The following SNU13 variants were observed in gnomAD, a reference collection of about 807,000 sequenced individuals.
The protein encoded by SNU13 is small nuclear ribonucleoprotein 13.
In SNU13, 2 loss-of-function variants were observed where a neutral mutation model predicts 12.4. That is an observed-to-expected ratio of 0.16 (90% confidence interval 0.07 to 0.51). The LOEUF is 0.51. Among genes scored for constraint, SNU13 ranks in the 20% least tolerant of loss-of-function variants. The pLI is 0.96. For missense variants in SNU13, 66 were observed against 157.8 expected, an observed-to-expected ratio of 0.42 and a Z score of 3.12; for synonymous variants, 68 against 66.5, an observed-to-expected ratio of 1.02 and a Z score of -0.11.
At chr22:41,676,086 C>T (rs1268019430) in intron 2 of SNU13, among the ~76,000 whole-genome samples, 2 of 152,130 alleles carry the variant, frequency 1.3e-5, no homozygotes, top group Non-Finnish European at 2.9e-5. Flanking sequence ...TCATCTCTTA[C>T]CTTGTCAACT....
At chr22:41,686,097 C>T (rs1450558629) in intron 1 of SNU13, among the ~76,000 whole-genome samples, 2 of 152,008 alleles carry the variant, frequency 1.3e-5, no homozygotes, top group Non-Finnish European at 2.9e-5. Flanking sequence ...GCTTGAGCCA[C>T]AGTGCTTGGC....
Position 41,680,407 on chromosome 22 carries a change from G to C in SNU13, c.4-43C>G, listed in dbSNP as rs946756043. ...AAATATCAGACAAATTGAGCCAGAA[G>C]TTTTCCTACCTGAGTCACAAAATAC... On this transcript the variant is annotated intron_variant, in intron 1 of 2. Coordinates refer to ENST00000401959, the MANE Select transcript of SNU13 (RefSeq NM_001003796.2). The C allele has an allele frequency of 1.9e-6, 3 of 1,585,826 alleles. No homozygotes were observed. In the African/African-American group the frequency reaches 4.1e-5, roughly 21 times the overall value.
intron 1 of SNU13, among the ~76,000 whole-genome samples, chr22:41,683,741 T>C (rs2068285840): frequency 6.6e-6 from 1 of 152,172 alleles, no homozygotes; most frequent in African/African-American, 2.4e-5. Context: ...TTTAACAACT[T>C]GCACACCCAC....
upstream of SNU13, chr22:41,688,977 T>G: frequency 7.5e-7 from 1 of 1,337,690 alleles, no homozygotes; most frequent in South Asian, 1.9e-5. Context: ...GCGCGGAAAC[T>G]GGCCCTGTGT....
At chr22:41,678,057 G>C (rs2068229359) in intron 2 of SNU13, among the ~76,000 whole-genome samples, 1 of 150,706 alleles carries the variant, frequency 6.6e-6, no homozygotes, top group Admixed American at 6.7e-5. Context: ...CTCACTGCAA[G>C]CTCCGCCTCC....
In SNU13 at chr22:41,675,142, C is replaced by T; in HGVS notation, c.178G>A (p.Ala60Thr). Residue 60 changes from alanine to threonine, a missense_variant, in exon 3 of 3, where the codon GCC becomes ACC. Ala to Thr is a moderately conservative substitution (Grantham distance 58). Transcript: ENST00000401959. ...ISEFIVMAAD[A>T]EPLEIILHLP... ...TGCAGAATGATCTCCAGTGGCTCGG[C>T]GTCTGCAGCCATCACGATGAACTCA... 1.2e-6 allele frequency: 2 copies of T among 1,614,056 alleles called. No individual in the cohort carries two copies. Among genetic ancestry groups the T allele is most frequent in the Non-Finnish European group, 1.7e-6 (2 of 1,180,038 alleles).
intron 1 of SNU13, among the ~76,000 whole-genome samples, chr22:41,686,128 G>C (rs1476640116): frequency 6.6e-6 from 1 of 151,896 alleles, no homozygotes; most frequent in South Asian, 2.1e-4. Flanking sequence ...CTTTTAACTG[G>C]AGCACTCAGT....
chr22:41,676,645 TG>T (rs2068217011), intron 2 of SNU13, among the ~76,000 whole-genome samples: 1 of 152,048 alleles, frequency 6.6e-6, no homozygotes, highest in Non-Finnish European at 1.5e-5. Context: ...GGAAAACAAA[TG>T]GTTTTCATTT....
At chr22:41,683,637 G>A (rs1193726251) in intron 1 of SNU13, among the ~76,000 whole-genome samples, 2 of 152,134 alleles carry the variant, frequency 1.3e-5, no homozygotes, top group African/African-American at 4.8e-5. Context: ...CAGTATATCT[G>A]TAAGATAAAC....
Position 41,680,163 on chromosome 22 carries a change from C to T in SNU13, c.124+81G>A, listed in dbSNP as rs1015336272. ...AGTCGAGAGCAGCTAGCCCTCCTCCCAAACTGGAAATCAGATCAGAGGCCC... is the reference window on the plus strand; with the variant it reads ...AGTCGAGAGCAGCTAGCCCTCCTCCTAAACTGGAAATCAGATCAGAGGCCC... On this transcript the variant is annotated intron_variant, in intron 2 of 2. Transcript: ENST00000401959. 13 of 1,478,728 alleles carry T rather than the reference C, an allele frequency of 8.8e-6. No homozygotes were observed. In the African/African-American group the frequency reaches 1.8e-4, roughly 21 times the overall value. The allele number at this position is 1,478,728 out of a possible 1,614,324, so 91.6% of individuals were successfully genotyped here.
intron 1 of SNU13, among the ~76,000 whole-genome samples, chr22:41,680,740 G>A (rs774558840): frequency 3.9e-5 from 6 of 152,088 alleles, no homozygotes; most frequent in Admixed American, 2.0e-4. Flanking sequence ...TGTTGCCCAC[G>A]CTGGAGTGCA....
chr22:41,679,678 CTT>C (rs60742191), intron 2 of SNU13: 121,943 of 150,208 alleles, frequency 0.81, 49,839 homozygotes, highest in East Asian at 0.94. Flanking sequence ...TGAAAAACAG[CTT>C]TTTTTTTTTC....
chr22:41,674,114 GT>G lies in SNU13; in HGVS notation c.*818del, dbSNP rs1370700168. On this transcript the variant is annotated 3_prime_UTR_variant, in exon 3 of 3. Coordinates refer to ENST00000401959, the MANE Select transcript of SNU13 (RefSeq NM_001003796.2). ...AAGTCCCATTCACCAGAGACAGGCTGTTTCCTTGGACTCCACCATCTCTGTT... is the reference window on the plus strand; with the variant it reads ...AAGTCCCATTCACCAGAGACAGGCTGTTCCTTGGACTCCACCATCTCTGTT... 6.6e-6 allele frequency: 1 copy of G among 152,334 alleles called. No homozygotes were observed. Among genetic ancestry groups the G allele is most frequent in the African/African-American group, 2.4e-5 (1 of 41,458 alleles). 9.4% of individuals were successfully genotyped at this position (152,334 alleles called of 1,614,324 possible).
At chr22:41,689,487 G>A (rs974444446), upstream of SNU13, among the ~76,000 whole-genome samples, 15 of 144,352 alleles carry the variant, frequency 1.0e-4, no homozygotes, top group Non-Finnish European at 3.0e-5. Context: ...GGCTAACACA[G>A]TGAACCGTCT....
chr22:41,676,546 A>G (rs1246347900), intron 2 of SNU13, among the ~76,000 whole-genome samples: 1 of 148,424 alleles, frequency 6.7e-6, no homozygotes, highest in Admixed American at 6.7e-5. Context: ...TTTTTTTTGT[A>G]TCAAAGAAAA....
rs1370084963 is a variant in SNU13, at chr22:41,685,271, G to A, written c.3+3523C>T. 5.9e-5 allele frequency among the ~76,000 whole-genome samples: 9 copies of A among 152,066 alleles called. 1 individual carries two copies. The highest frequency in any genetic ancestry group is 5.9e-4 in the Admixed American group (9 of 15,268). ...GCTCACTGCAGCCTCGACCTCCAGGGCTCAAGCGATCCTCCTGCCTCAGCC... is the reference window on the plus strand; with the variant it reads ...GCTCACTGCAGCCTCGACCTCCAGGACTCAAGCGATCCTCCTGCCTCAGCC... On this transcript the variant is annotated intron_variant, in intron 1 of 2. Transcript: ENST00000401959.
At position 41,674,647 on chromosome 22, in the gene SNU13, C is replaced by CT. The variant is rs1002302944; in HGVS notation, c.*285dup. The CT allele has an allele frequency of 2.6e-6, 1 of 379,902 alleles. No homozygotes were observed. Among genetic ancestry groups the CT allele is most frequent in the African/African-American group, 2.1e-5 (1 of 48,774 alleles). The allele number at this position is 379,902 out of a possible 1,614,324, so 23.5% of individuals were successfully genotyped here. On this transcript the variant is annotated 3_prime_UTR_variant, in exon 3 of 3. Transcript: ENST00000401959. ...TGGCTCCATCAGCTTTCTCCTGGCT[C>CT]TTTCTGCCTTTCAACGGTGCCACCA...
intron 2 of SNU13, chr22:41,679,607 A>G (rs1437578944): frequency 1.3e-5 from 2 of 152,102 alleles, no homozygotes; most frequent in African/African-American, 2.4e-5. Flanking sequence ...AATAATGAAT[A>G]AAGTGAGAGT....
chr22:41,688,982 C>G (rs2068337775), upstream of SNU13: 1 of 1,334,172 alleles, frequency 7.5e-7, no homozygotes, highest in South Asian at 1.9e-5. Context: ...GAAACTGGCC[C>G]TGTGTCGAAG....
Sources: gnomAD v4.1 joint callset for allele counts (sites outside exome capture counted in the v4.1 genomes callset) on GRCh38, gnomAD v4.1.1 for gene constraint, MANE v1.5 for transcripts, NCBI Gene and HGNC (gene_info 2026-07-23, HGNC 2026-07-21) for gene names.